Variants in ITPKB observed in about 807,000 individuals in gnomAD.
ITPKB encodes the protein IP3 3-kinase B.
In ITPKB, 13 loss-of-function variants were observed where a neutral mutation model predicts 69.4. That is an observed-to-expected ratio of 0.19 (90% CI 0.12 to 0.30). The LOEUF is 0.30. Among genes scored for constraint, ITPKB ranks in the 10% least tolerant of loss-of-function variants. The pLI is 1.00. For synonymous variants in ITPKB, 584 were observed against 513.7 expected (o/e 1.14, Z -1.85); for missense variants, 1,240 against 1,250.5 (o/e 0.99, Z 0.13).
At chr1:226,713,829 A>G (rs1657032645) in intron 2 of ITPKB, among the ~76,000 whole-genome samples, 1 of 152,138 alleles carries the variant, frequency 6.6e-6, no homozygotes, top group African/African-American at 2.4e-5. Context: ...ACCCCTCCAC[A>G]TAAAACAATC....
rs771750478 is a variant in ITPKB, at chr1:226,737,076, T to C, written c.383A>G (p.Lys128Arg). The change falls in exon 2 of 8, where the codon AAG (lysine) becomes AGG (arginine). Residue 128 changes from lysine (K) to arginine (R), a missense_variant. Physicochemically the swap from Lys to Arg is conservative, Grantham distance 26. This residue lies in a region of ITPKB where 992 missense variants were observed against 853.8 expected (regional missense o/e 1.16). Coordinates refer to ENST00000429204, the MANE Select transcript of ITPKB (RefSeq NM_002221.4). The stretch of plus-strand genomic sequence containing the variant: ...GCGCTGCAAGATCCGCAGCTTCCTC[T>C]TGGCCTCCTCCGGCCCTGGCGGGGA... Reference protein sequence around the residue: ...TLSPPGPEEAKRKLRILQREL... With the variant: ...TLSPPGPEEARRKLRILQREL... The C allele has an allele frequency of 1.2e-6, 2 of 1,610,720 alleles. No individual in the cohort carries two copies. The highest frequency in any genetic ancestry group is 1.1e-5 in the South Asian group (1 of 91,090).
intron 7 of ITPKB, among the ~76,000 whole-genome samples, chr1:226,635,709 C>T (rs1207654191): frequency 1.3e-5 from 2 of 152,250 alleles, no homozygotes; most frequent in African/African-American, 4.8e-5. Flanking sequence ...ACAGCACCCC[C>T]ACCCCAGCAG....
At chr1:226,703,425 G>T (rs1656716378) in intron 2 of ITPKB, among the ~76,000 whole-genome samples, 2 of 152,232 alleles carry the variant, frequency 1.3e-5, no homozygotes, top group Admixed American at 6.5e-5. Flanking sequence ...GGGGGATTTC[G>T]GGCAGGGCGG....
At chr1:226,685,739 T>C (rs917799955) in intron 2 of ITPKB, among the ~76,000 whole-genome samples, 1 of 152,242 alleles carries the variant, frequency 6.6e-6, no homozygotes, top group African/African-American at 2.4e-5. Flanking sequence ...GTAACAGGTG[T>C]TTAGTTCATT....
rs7547263 is a variant in ITPKB at position 226,734,168 on chromosome 1, G to A, written c.1932+1359C>T. Among the ~76,000 whole-genome samples the A allele has an allele frequency of 3.9e-3, 588 of 152,304 alleles. 5 individuals carry two copies. Among genetic ancestry groups the A allele is most frequent in the African/African-American group, 0.014 (564 of 41,558 alleles). ...CCGCTTCCCCCTCTAAAGGTGGTGC[G>A]CCTATGCCTGACAGCAGGTGCATAA... On this transcript the variant is annotated intron_variant, in intron 2 of 7. Transcript: ENST00000429204.
intron 1 of ITPKB, among the ~76,000 whole-genome samples, chr1:226,737,994 T>C (rs573107651): frequency 6.6e-6 from 1 of 152,286 alleles, no homozygotes; most frequent in Non-Finnish European, 1.5e-5. Context: ...GTATGCTGTG[T>C]GCGGGGCGCG....
chr1:226,668,210 C>T (rs1414339587), intron 2 of ITPKB, among the ~76,000 whole-genome samples: 1 of 152,166 alleles, frequency 6.6e-6, no homozygotes, highest in East Asian at 1.9e-4. Flanking sequence ...TATATGTAAG[C>T]TTCAAATTCA....
intron 7 of ITPKB, among the ~76,000 whole-genome samples, chr1:226,635,211 T>C (rs1288043570): frequency 6.6e-5 from 10 of 152,032 alleles, no homozygotes; most frequent in Admixed American, 5.2e-4. Context: ...CTTCTTTTCC[T>C]TCCTTTCTTC....
intron 2 of ITPKB, among the ~76,000 whole-genome samples, chr1:226,687,403 G>A (rs1017903499): frequency 1.3e-5 from 2 of 152,114 alleles, no homozygotes; most frequent in African/African-American, 4.8e-5. Context: ...GAACACTAGG[G>A]TTTGGAGTCT....
At chr1:226,645,876 C>T (rs1419582581) in intron 4 of ITPKB, among the ~76,000 whole-genome samples, 2 of 152,218 alleles carry the variant, frequency 1.3e-5, no homozygotes, top group South Asian at 2.1e-4. Context: ...TGTGCTTCTC[C>T]ATCCCCCATT....
rs753978253 is a variant in ITPKB, at chr1:226,737,243, G to A, written c.216C>T (p.Pro72=). 9 of 1,554,292 alleles carry A rather than the reference G, an allele frequency of 5.8e-6. No homozygotes were observed. Among genetic ancestry groups the A allele is most frequent in the African/African-American group, 1.4e-5 (1 of 73,502 alleles). ...ESLSPEEPRS[P]GGWRSGRRRL... is the part of the protein sequence containing the mutation. ...TGCGCCGGCCGCTCCGCCAGCCCCC[G>A]GGGCTCCGGGGCTCCTCGGGGGACA... Residue 72 remains proline (P), a synonymous_variant, in exon 2 of 8, where the codon CCC becomes CCT. Transcript: ENST00000429204.
intron 2 of ITPKB, among the ~76,000 whole-genome samples, chr1:226,723,564 C>T (rs540054551): frequency 2.6e-5 from 4 of 151,910 alleles, no homozygotes; most frequent in Admixed American, 1.3e-4. Context: ...TACACACACA[C>T]GTGTGTGTGG....
At chr1:226,711,823 T>A (rs1656967870) in intron 2 of ITPKB, among the ~76,000 whole-genome samples, 1 of 152,080 alleles carries the variant, frequency 6.6e-6, no homozygotes, top group Non-Finnish European at 1.5e-5. Context: ...GACTCCATGT[T>A]AAAAGGCAAA....
At position 226,641,553 on chromosome 1, in the gene ITPKB, G is replaced by A. The variant is rs113756074; in HGVS notation, c.2451+368C>T. On this transcript the variant is annotated intron_variant, in intron 5 of 7. Coordinates refer to ENST00000429204, the MANE Select transcript of ITPKB (RefSeq NM_002221.4). This position sits in a 1 kb window ranked among gnomAD's most constrained non-coding sequence, Gnocchi z 4.6. Reference sequence around the variant, plus strand: ...CGGTCAGCATGCTCCTCCCTTCCCCGAATTGTCTGCCAGTCCCAGTTTGCA... The same window carrying A: ...CGGTCAGCATGCTCCTCCCTTCCCCAAATTGTCTGCCAGTCCCAGTTTGCA... Among the ~76,000 whole-genome samples the A allele has an allele frequency of 5.2e-4, 79 of 152,322 alleles. 1 individual carries two copies. Among genetic ancestry groups the A allele is most frequent in the African/African-American group, 1.8e-3 (74 of 41,582 alleles).
rs1345786997 is a variant in ITPKB, at chr1:226,635,609, T to C, written c.2626-723A>G. 3.9e-5 allele frequency among the ~76,000 whole-genome samples: 6 copies of C among 152,030 alleles called. No homozygotes were observed. The East Asian group carries it at 1.2e-3, about 29-fold the overall frequency. On this transcript the variant is annotated intron_variant, in intron 7 of 7. Transcript: ENST00000429204. Reference sequence around the variant, plus strand: ...CTAGAACCTGACTCCTCCCAAACACTCTGCAGGGAACCACAGTGAAGGGGA... The same window carrying C: ...CTAGAACCTGACTCCTCCCAAACACCCTGCAGGGAACCACAGTGAAGGGGA...
At chr1:226,716,243 T>A (rs1333249814) in intron 2 of ITPKB, among the ~76,000 whole-genome samples, 1 of 152,246 alleles carries the variant, frequency 6.6e-6, no homozygotes. Context: ...TAAAAATGCG[T>A]AAGAATAGTT....
chr1:226,713,794 A>T (rs774117286), intron 2 of ITPKB, among the ~76,000 whole-genome samples: 1 of 152,136 alleles, frequency 6.6e-6, no homozygotes, highest in Admixed American at 6.5e-5. Context: ...GGGTGTTCAG[A>T]TAACAATCAG....
chr1:226,679,533 C>CA (rs1206706488), intron 2 of ITPKB, among the ~76,000 whole-genome samples: 3 of 152,174 alleles, frequency 2.0e-5, no homozygotes, highest in Non-Finnish European at 4.4e-5. Flanking sequence ...GGGATAGTCT[C>CA]AAAAAAGCTG....
intron 2 of ITPKB, among the ~76,000 whole-genome samples, chr1:226,681,966 C>T (rs1220757853): frequency 5.3e-5 from 8 of 152,206 alleles, no homozygotes; most frequent in Admixed American, 5.2e-4. Flanking sequence ...AGTGTAGAAG[C>T]AATGTCAGCA....
Sources: allele counts gnomAD v4.1 joint callset (sites outside exome capture counted in the v4.1 genomes callset), GRCh38; gene constraint gnomAD v4.1.1; regional missense constraint gnomAD v4.1.1; non-coding constraint Gnocchi (gnomAD v3.1); transcripts MANE v1.5; gene names NCBI Gene and HGNC (gene_info 2026-07-23, HGNC 2026-07-21).